Variants in LMNTD1 observed in about 807,000 individuals in gnomAD.
The protein encoded by LMNTD1 is lamin tail domain containing 1.
Under a neutral mutation model 50.9 loss-of-function variants are expected in LMNTD1, and 35 were observed. That is an observed-to-expected ratio of 0.69 (90% CI 0.53 to 0.91). The LOEUF is 0.91. Among genes scored for constraint, LMNTD1 ranks in the 40% least tolerant of loss-of-function variants. The pLI is 0.00. For missense variants in LMNTD1, 470 were observed against 475.5 expected (o/e 0.99, Z 0.11); for synonymous variants, 153 against 161.9 (o/e 0.94, Z 0.42).
rs561353929 is a variant in LMNTD1 at position 25,574,695 on chromosome 12, G to C, written c.59-28141C>G. Among the ~76,000 whole-genome samples, 158 of 152,124 alleles carry C rather than the reference G, an allele frequency of 1.0e-3. 1 individual carries two copies. Among genetic ancestry groups the C allele is most frequent in the African/African-American group, 3.7e-3 (152 of 41,518 alleles). On this transcript the variant is annotated intron_variant, in intron 1 of 7. Coordinates refer to the LMNTD1 transcript ENST00000445693. ...TCACTTTCTATATTTCATTACCGTT[G>C]TTTTTGTGTATGCCTTATCTAATCA...
intron 4 of LMNTD1, among the ~76,000 whole-genome samples, chr12:25,531,638 C>T (rs1312219982): frequency 6.6e-6 from 1 of 151,798 alleles, no homozygotes; most frequent in Non-Finnish European, 1.5e-5. Context: ...TTCTTTTAGC[C>T]TGCTAGATGT....
At chr12:25,512,161 T>C (rs1449728846) in intron 8 of LMNTD1, among the ~76,000 whole-genome samples, 1 of 152,258 alleles carries the variant, frequency 6.6e-6, no homozygotes, top group Non-Finnish European at 1.5e-5. Context: ...AAAATCAGTA[T>C]TGTCTTTTGC....
intron 5 of LMNTD1, 47 bp downstream of exon 5, chr12:25,526,722 T>C (rs1251012673): frequency 7.7e-7 from 1 of 1,304,278 alleles, no homozygotes; most frequent in South Asian, 1.5e-5. Flanking sequence ...GTCAACAAGT[T>C]TGTCCTGTAC....
chr12:25,581,065 CAA>C (rs1945260354), intron 1 of LMNTD1, among the ~76,000 whole-genome samples: 1 of 152,122 alleles, frequency 6.6e-6, no homozygotes, highest in Non-Finnish European at 1.5e-5. Flanking sequence ...TCTCTCCAAT[CAA>C]AAGAGAGGAG....
intron 8 of LMNTD1, among the ~76,000 whole-genome samples, chr12:25,504,040 G>T (rs911727808): frequency 7.9e-5 from 12 of 152,178 alleles, no homozygotes; most frequent in African/African-American, 2.9e-4. Context: ...TTCTTATGAA[G>T]TTCAAGTTTC....
intron 6 of LMNTD1, among the ~76,000 whole-genome samples, chr12:25,521,123 T>C (rs1472894470): frequency 1.5e-5 from 2 of 135,410 alleles, no homozygotes; most frequent in African/African-American, 5.1e-5. Flanking sequence ...CCTTCTCAGA[T>C]ATGAGGTTTG....
intron 1 of LMNTD1, among the ~76,000 whole-genome samples, chr12:25,605,742 A>C (rs1424347223): frequency 9.2e-5 from 14 of 152,136 alleles, no homozygotes; most frequent in Admixed American, 2.6e-4. Flanking sequence ...TTTGGTTACT[A>C]TAGCCTTGTA....
chr12:25,519,665 C>A (rs1941134875), intron 7 of LMNTD1, among the ~76,000 whole-genome samples, 193 bp downstream of exon 7: 1 of 150,870 alleles, frequency 6.6e-6, no homozygotes, highest in South Asian at 2.1e-4. Flanking sequence ...GCCTTCATTG[C>A]CCTATGAGTA....
At chr12:25,558,120 A>C (rs1944116584), upstream of LMNTD1, among the ~76,000 whole-genome samples, 1 of 152,204 alleles carries the variant, frequency 6.6e-6, no homozygotes, top group Non-Finnish European at 1.5e-5. Context: ...GATCAGTATC[A>C]GTTGTAATGT....
chr12:25,484,729 C>T (rs1166749439), intron 9 of LMNTD1, among the ~76,000 whole-genome samples: 1 of 143,150 alleles, frequency 7.0e-6, no homozygotes, highest in African/African-American at 2.6e-5. Context: ...TGTTCAATTC[C>T]CACCTATGAG....
chr12:25,584,227 G>A (rs143292608), intron 1 of LMNTD1, among the ~76,000 whole-genome samples: 1 of 152,284 alleles, frequency 6.6e-6, no homozygotes, highest in African/African-American at 2.4e-5. Context: ...GAATATATAT[G>A]ATGTATACAA....
intron 8 of LMNTD1, among the ~76,000 whole-genome samples, chr12:25,515,559 T>C (rs1940692919): frequency 6.6e-6 from 1 of 152,152 alleles, no homozygotes; most frequent in African/African-American, 2.4e-5. Context: ...ACTTCAAATT[T>C]ATGAATTTTT....
At chr12:25,646,368 T>C (rs1191129506) in intron 1 of LMNTD1, among the ~76,000 whole-genome samples, 3 of 152,136 alleles carry the variant, frequency 2.0e-5, no homozygotes, top group African/African-American at 7.2e-5. Context: ...CTGCCCCCGA[T>C]TTGTCATTTG....
At chr12:25,507,595 C>G (rs922657304) in intron 8 of LMNTD1, among the ~76,000 whole-genome samples, 1 of 152,212 alleles carries the variant, frequency 6.6e-6, no homozygotes, top group Non-Finnish European at 1.5e-5. Context: ...TGTGGCAGCT[C>G]TAGCCCCATG....
chr12:25,581,407 A>T (rs1330391454), intron 1 of LMNTD1, among the ~76,000 whole-genome samples: 1 of 152,210 alleles, frequency 6.6e-6, no homozygotes, highest in Non-Finnish European at 1.5e-5. Context: ...GGGTAATGTT[A>T]TCATAGTTAT....
intron 4 of LMNTD1, among the ~76,000 whole-genome samples, chr12:25,530,997 C>T (rs1942191346): frequency 6.6e-6 from 1 of 152,118 alleles, no homozygotes; most frequent in Non-Finnish European, 1.5e-5. Flanking sequence ...GAGAAGGATT[C>T]GATGCACTGT....
rs73078343 is a variant in LMNTD1, at chr12:25,584,209, T to C, written c.59-37655A>G. On this transcript the variant is annotated intron_variant, in intron 1 of 7. Coordinates refer to the LMNTD1 transcript ENST00000445693. The stretch of plus-strand genomic sequence containing the variant: ...TGCCAATTTATATATATCAATAATA[T>C]ATGTGATGAATATATATGATGTATA... Among the ~76,000 whole-genome samples, 1,331 of 152,314 alleles carry C rather than the reference T, an allele frequency of 8.7e-3. 9 individuals are homozygous for C. The highest frequency in any genetic ancestry group is 0.044 in the Middle Eastern group (13 of 294).
chr12:25,552,431 C>G (rs1943806426), intron 2 of LMNTD1, among the ~76,000 whole-genome samples: 1 of 151,702 alleles, frequency 6.6e-6, no homozygotes, highest in Non-Finnish European at 1.5e-5. Context: ...ACGGTGAAAC[C>G]TCGTCTCTAC....
At chr12:25,618,917 A>G (rs953767459) in intron 1 of LMNTD1, among the ~76,000 whole-genome samples, 1 of 152,176 alleles carries the variant, frequency 6.6e-6, no homozygotes, top group Non-Finnish European at 1.5e-5. Context: ...ATTTCACTGA[A>G]TGAGTGAAAT....
Sources: allele counts gnomAD v4.1 joint callset (sites outside exome capture counted in the v4.1 genomes callset), GRCh38; gene constraint gnomAD v4.1.1; transcripts MANE v1.5; gene names NCBI Gene and HGNC (gene_info 2026-07-23, HGNC 2026-07-21).